The following LDLRAD3 variants were observed in gnomAD, a reference collection of about 807,000 sequenced individuals.
LDLRAD3 encodes low-density lipoprotein receptor class A domain-containing protein 3.
A neutral mutation model predicts 29.4 loss-of-function variants in LDLRAD3; 20 were observed. That is an observed-to-expected ratio of 0.68 (90% CI 0.48 to 0.99). The LOEUF is 0.99. LDLRAD3 is among the 50% of genes least tolerant of loss of function. The pLI is 0.00. For synonymous variants in LDLRAD3, 157 were observed against 192.7 expected, an observed-to-expected ratio of 0.81 and a Z score of 1.53; for missense variants, 420 against 454.3, an observed-to-expected ratio of 0.92 and a Z score of 0.69.
intron 2 of LDLRAD3, among the ~76,000 whole-genome samples, chr11:36,065,187 T>C (rs942221694): frequency 1.3e-5 from 2 of 152,324 alleles, no homozygotes; most frequent in African/African-American, 4.8e-5. Flanking sequence ...TCAAGAATCT[T>C]GGGGCTCTGT....
intron 1 of LDLRAD3, among the ~76,000 whole-genome samples, chr11:35,966,118 A>C (rs1361828259): frequency 6.6e-6 from 1 of 152,228 alleles, no homozygotes; most frequent in Non-Finnish European, 1.5e-5. Context: ...GTCTTTCGAC[A>C]AGATAAAATG....
chr11:36,154,312 G>A (rs1470309559), intron 4 of LDLRAD3, among the ~76,000 whole-genome samples: 1 of 152,198 alleles, frequency 6.6e-6, no homozygotes, highest in East Asian at 1.9e-4. Flanking sequence ...CTGCGGGTGA[G>A]CCAGGACAGG....
chr11:36,072,201 T>G (rs1482249764), intron 2 of LDLRAD3, among the ~76,000 whole-genome samples: 4 of 152,138 alleles, frequency 2.6e-5, no homozygotes, highest in Admixed American at 6.5e-5. Flanking sequence ...AGAAGAGAGA[T>G]CCTGGAGACC....
intron 4 of LDLRAD3, among the ~76,000 whole-genome samples, chr11:36,199,135 C>T (rs1380559471): frequency 6.6e-6 from 1 of 152,176 alleles, no homozygotes; most frequent in East Asian, 1.9e-4. Context: ...CTCCTAACCT[C>T]GTGATCCGCC....
chr11:36,159,628 C>G (rs1279693065), intron 4 of LDLRAD3, among the ~76,000 whole-genome samples: 1 of 58,140 alleles, frequency 1.7e-5, no homozygotes, highest in Non-Finnish European at 3.9e-5. Flanking sequence ...AAAAAAAAAG[C>G]CAGATGTGGT....
In LDLRAD3 at chr11:36,229,337, C is replaced by T; in HGVS notation, c.978C>T (p.Pro326=). Residue 326 remains proline, a synonymous_variant, in exon 6 of 6, where the codon CCC becomes CCT. Coordinates refer to ENST00000315571, the MANE Select transcript of LDLRAD3 (RefSeq NM_174902.4). ...DTSHSPGQPG[P]QEGTAEPRDS... The stretch of plus-strand genomic sequence containing the variant: ...GCCACAGCCCGGGGCAGCCTGGCCC[C>T]CAGGAGGGCACTGCTGAGCCCAGGG... 2 of 1,614,052 alleles carry T rather than the reference C, an allele frequency of 1.2e-6. No homozygotes were observed. Among genetic ancestry groups the T allele is most frequent in the South Asian group, 1.1e-5 (1 of 91,072 alleles).
At chr11:36,145,015 T>C (rs1854159042) in intron 4 of LDLRAD3, among the ~76,000 whole-genome samples, 1 of 112,050 alleles carries the variant, frequency 8.9e-6, no homozygotes, top group Non-Finnish European at 1.9e-5. Flanking sequence ...AGCCGCCCCG[T>C]CCGGGAGGTG....
intron 2 of LDLRAD3, among the ~76,000 whole-genome samples, chr11:36,080,382 G>A (rs904549): frequency 0.38 from 57,450 of 152,112 alleles, 12,210 homozygotes; most frequent in African/African-American, 0.57. Context: ...AACTGTTTGT[G>A]CAGCATGAGT....
At chr11:36,076,264 C>A (rs1427667142) in intron 2 of LDLRAD3, among the ~76,000 whole-genome samples, 1 of 151,842 alleles carries the variant, frequency 6.6e-6, no homozygotes, top group Non-Finnish European at 1.5e-5. Flanking sequence ...ATCCATCCAT[C>A]CTGTCTGTCT....
At chr11:36,058,807 A>G (rs1403484987) in intron 2 of LDLRAD3, among the ~76,000 whole-genome samples, 1 of 152,204 alleles carries the variant, frequency 6.6e-6, no homozygotes, top group Admixed American at 6.5e-5. Flanking sequence ...AGAGGCTAGG[A>G]AAGATGTGAA....
At chr11:36,157,522 C>A (rs34606349) in intron 4 of LDLRAD3, among the ~76,000 whole-genome samples, 30,845 of 152,134 alleles carry the variant, frequency 0.2, 3,261 homozygotes, top group East Asian at 0.3. Flanking sequence ...GCCCAGAGAA[C>A]AGATGAACAT....
intron 4 of LDLRAD3, among the ~76,000 whole-genome samples, chr11:36,221,795 A>G (rs1354394096): frequency 6.6e-6 from 1 of 152,196 alleles, no homozygotes; most frequent in African/African-American, 2.4e-5. Context: ...ACAAGCATCT[A>G]TTCCCCTTCC....
At chr11:36,199,523 G>T (rs931556272) in intron 4 of LDLRAD3, among the ~76,000 whole-genome samples, 3 of 152,034 alleles carry the variant, frequency 2.0e-5, no homozygotes, top group Admixed American at 2.0e-4. Context: ...CTCAATGAGG[G>T]TCCCTGTTAT....
rs144832866 is a variant in LDLRAD3, at chr11:36,059,611, G to T, written c.194-22042G>T. Among the ~76,000 whole-genome samples, 155 of 152,212 alleles carry T rather than the reference G, an allele frequency of 1.0e-3. 1 individual carries two copies. Among genetic ancestry groups the T allele is most frequent in the African/African-American group, 3.5e-3 (147 of 41,544 alleles). On this transcript the variant is annotated intron_variant, in intron 2 of 5. Transcript: ENST00000315571. ...CTTGAGATGTTGCCTCTGCCTGGCT[G>T]CTGTCCCCTCTTACCCTTGGTTGGC... is the stretch of plus-strand genomic sequence containing the variant.
At chr11:36,152,799 TTTTTGCTCTGTAACC>T (rs1854295498) in intron 4 of LDLRAD3, among the ~76,000 whole-genome samples, 3 of 152,206 alleles carry the variant, frequency 2.0e-5, no homozygotes, top group African/African-American at 7.2e-5. Context: ...TTCCATGCTA[TTTTTGCTCTGTAACC>T]TTTTGCTCTA....
At chr11:36,053,490 A>G (rs767804431) in intron 2 of LDLRAD3, among the ~76,000 whole-genome samples, 13 of 152,188 alleles carry the variant, frequency 8.5e-5, no homozygotes, top group Non-Finnish European at 1.5e-4. Context: ...AGCTTCACTC[A>G]TGACTGGCTG....
At chr11:36,150,405 G>A (rs985212289) in intron 4 of LDLRAD3, among the ~76,000 whole-genome samples, 2 of 152,100 alleles carry the variant, frequency 1.3e-5, no homozygotes, top group Admixed American at 6.6e-5. Flanking sequence ...CCACACGCCT[G>A]TAGTCCCAGC....
At chr11:35,946,787 G>T (rs1851062845) in intron 1 of LDLRAD3, among the ~76,000 whole-genome samples, 1 of 152,104 alleles carries the variant, frequency 6.6e-6, no homozygotes, top group African/African-American at 2.4e-5. Context: ...TTTTCTCCTG[G>T]AAAGATCTGC....
At chr11:36,130,636 C>A (rs1156770556) in intron 4 of LDLRAD3, among the ~76,000 whole-genome samples, 3 of 152,124 alleles carry the variant, frequency 2.0e-5, no homozygotes, top group Non-Finnish European at 4.4e-5. Flanking sequence ...TTCTCCTCAA[C>A]CCTGGTCTGA....
Sources: gnomAD v4.1 joint callset for allele counts (sites outside exome capture counted in the v4.1 genomes callset) on GRCh38, gnomAD v4.1.1 for gene constraint, MANE v1.5 for transcripts, NCBI Gene and HGNC (gene_info 2026-07-23, HGNC 2026-07-21) for gene names.